The following FAF1 variants were observed in gnomAD, a reference collection of about 807,000 sequenced individuals.
FAF1 encodes the protein Fas associated factor 1, also known as FAS-associated factor 1.
In FAF1, 25 loss-of-function variants were observed where a neutral mutation model predicts 92.5. That is an observed-to-expected ratio of 0.27 (90% CI 0.20 to 0.38). FAF1 has a LOEUF of 0.38. Among genes scored for constraint, FAF1 ranks in the 10% least tolerant of loss-of-function variants. The pLI is 1.00. For missense variants in FAF1, 636 were observed against 793.3 expected, an observed-to-expected ratio of 0.80 and a Z score of 2.38; for synonymous variants, 234 against 273.2, an observed-to-expected ratio of 0.86 and a Z score of 1.42.
chr1:50,841,939 C>T (rs1644259458), intron 2 of FAF1, among the ~76,000 whole-genome samples: 1 of 152,032 alleles, frequency 6.6e-6, no homozygotes, highest in Non-Finnish European at 1.5e-5. Context: ...AAGTGCTGGA[C>T]TGTTATACTT....
chr1:50,707,586 C>T (rs572859915), intron 6 of FAF1, among the ~76,000 whole-genome samples: 6 of 150,798 alleles, frequency 4.0e-5, no homozygotes, highest in East Asian at 4.0e-4. Flanking sequence ...CCCAGCTACT[C>T]GGGAGGCTGA....
chr1:50,785,461 G>A (rs78731777), intron 4 of FAF1, among the ~76,000 whole-genome samples: 1,735 of 152,014 alleles, frequency 0.011, 27 homozygotes, highest in African/African-American at 0.038. Flanking sequence ...TTAAAAAAAT[G>A]GACAAAGGAC....
intron 3 of FAF1, among the ~76,000 whole-genome samples, chr1:50,791,439 A>C (rs1661561362): frequency 6.6e-6 from 1 of 152,220 alleles, no homozygotes; most frequent in East Asian, 1.9e-4. Context: ...GTTAGATTCT[A>C]CCAAGAGGAG....
At chr1:50,499,740 C>CTTCT (rs771813592) in intron 15 of FAF1, among the ~76,000 whole-genome samples, 1 of 152,058 alleles carries the variant, frequency 6.6e-6, no homozygotes, top group Non-Finnish European at 1.5e-5. Context: ...CCCTTCCTCC[C>CTTCT]TTCTTTCTTT....
At chr1:50,448,778 C>T (rs997079091) in intron 18 of FAF1, among the ~76,000 whole-genome samples, 1 of 152,124 alleles carries the variant, frequency 6.6e-6, no homozygotes, top group African/African-American at 2.4e-5. Context: ...CACCTGAGTG[C>T]TATGTCTATC....
chr1:50,822,943 T>A (rs532343185), intron 2 of FAF1, among the ~76,000 whole-genome samples: 1 of 152,002 alleles, frequency 6.6e-6, no homozygotes, highest in South Asian at 2.1e-4. Context: ...CCCAGCTAAT[T>A]TTGTATTTTT....
At position 50,928,754 on chromosome 1, in the gene FAF1, G is replaced by A. The variant is rs1257081159; in HGVS notation, c.45+31013C>T. On this transcript the variant is annotated intron_variant, in intron 1 of 18. Transcript: ENST00000396153. ...ACCGAAATCACGCCATTGGACTCCA[G>A]CCCAGGCAACAGTGCGAGACTCCAC... Among the ~76,000 whole-genome samples the A allele has an allele frequency of 5.5e-5, 7 of 127,796 alleles. No homozygotes were observed. The East Asian group carries it at 1.4e-3, about 26-fold the overall frequency. 83.8% of individuals were successfully genotyped at this position (127,796 alleles called of 152,430 possible). A position where few individuals can be genotyped will look rare whatever the true frequency, so the allele number is the denominator to read the frequency against.
intron 6 of FAF1, among the ~76,000 whole-genome samples, chr1:50,707,189 C>T (rs539027495): frequency 8.1e-6 from 1 of 123,958 alleles, no homozygotes; most frequent in African/African-American, 3.5e-5. Flanking sequence ...GGTGACACAG[C>T]GAGACTCTGT....
At chr1:50,665,956 C>A (rs923257021) in intron 7 of FAF1, among the ~76,000 whole-genome samples, 1 of 151,934 alleles carries the variant, frequency 6.6e-6, no homozygotes, top group Non-Finnish European at 1.5e-5. Context: ...GTGGGCGGAT[C>A]CCTTGAGGTC....
chr1:50,818,824 G>A (rs1025769515), intron 2 of FAF1, among the ~76,000 whole-genome samples: 2 of 151,394 alleles, frequency 1.3e-5, no homozygotes, highest in Admixed American at 6.6e-5. Flanking sequence ...GCGACAGAGC[G>A]AGACTCCATC....
intron 6 of FAF1, among the ~76,000 whole-genome samples, chr1:50,732,005 G>T (rs1658943693): frequency 6.6e-6 from 1 of 151,984 alleles, no homozygotes; most frequent in South Asian, 2.1e-4. Context: ...TTCCATGAGT[G>T]CTTTACGGGG....
chr1:50,759,072 G>A (rs1023436482), intron 4 of FAF1, among the ~76,000 whole-genome samples: 4 of 151,866 alleles, frequency 2.6e-5, no homozygotes, highest in South Asian at 2.1e-4. Context: ...TCAATCTCCC[G>A]ACCTCATGAT....
chr1:50,921,815 G>T (rs2124733411), intron 1 of FAF1, among the ~76,000 whole-genome samples: 2 of 152,110 alleles, frequency 1.3e-5, no homozygotes, highest in Middle Eastern at 6.8e-3. Flanking sequence ...AAATTCATTG[G>T]TAGAGAGCAG....
At chr1:50,470,383 T>G (rs1052134085) in intron 18 of FAF1, among the ~76,000 whole-genome samples, 1 of 152,228 alleles carries the variant, frequency 6.6e-6, no homozygotes, top group East Asian at 1.9e-4. Flanking sequence ...GTGACTTAAG[T>G]GCTTAATTTT....
rs1006612465 is a variant in FAF1, at chr1:50,441,172, T to C, written c.*268A>G. On this transcript the variant is annotated 3_prime_UTR_variant, in exon 19 of 19. Coordinates refer to ENST00000396153, the MANE Select transcript of FAF1 (RefSeq NM_007051.3). ...TGATCACTCACACTTGAACAATGCA[T>C]TCGTCATTGAAGGAGGGTGAAGTGC... 2 of 365,084 alleles carry C rather than the reference T, an allele frequency of 5.5e-6. No homozygotes were observed. The highest frequency in any genetic ancestry group is 9.9e-6 in the Non-Finnish European group (2 of 202,232). 22.6% of individuals were successfully genotyped at this position (365,084 alleles called of 1,614,324 possible). A position where few individuals can be genotyped will look rare whatever the true frequency, so the allele number is the denominator to read the frequency against.
At chr1:50,729,676 G>A (rs1016118652) in intron 6 of FAF1, among the ~76,000 whole-genome samples, 1 of 151,458 alleles carries the variant, frequency 6.6e-6, no homozygotes, top group Non-Finnish European at 1.5e-5. Flanking sequence ...CAAAGTGCTG[G>A]GATTACAGGT....
chr1:50,739,423 TG>T (rs748272538), intron 5 of FAF1, among the ~76,000 whole-genome samples: 1 of 152,120 alleles, frequency 6.6e-6, no homozygotes, highest in Non-Finnish European at 1.5e-5. Context: ...TGTGAGTGTA[TG>T]TGTATGTGTG....
At chr1:50,543,982 A>G (rs543198838) in intron 13 of FAF1, among the ~76,000 whole-genome samples, 3 of 152,308 alleles carry the variant, frequency 2.0e-5, no homozygotes, top group East Asian at 1.9e-4. Flanking sequence ...TCCTCCCTTT[A>G]TAACAACTTG....
intron 2 of FAF1, among the ~76,000 whole-genome samples, chr1:50,822,063 A>C (rs1644048167): frequency 6.6e-6 from 1 of 151,616 alleles, no homozygotes; most frequent in African/African-American, 2.4e-5. Flanking sequence ...TTGCAGTAGA[A>C]AAGAATTCCA....
Sources: allele counts gnomAD v4.1 joint callset (sites outside exome capture counted in the v4.1 genomes callset), GRCh38; gene constraint gnomAD v4.1.1; transcripts MANE v1.5; gene names NCBI Gene and HGNC (gene_info 2026-07-23, HGNC 2026-07-21).